The following TOM1L1 variants were observed in gnomAD, a reference collection of about 807,000 sequenced individuals.
TOM1L1 encodes the protein TOM1-like protein 1.
In TOM1L1, 64 loss-of-function variants were observed where a neutral mutation model predicts 63.4. The ratio of observed to expected loss-of-function variants is 1.01; its 90% CI spans 0.83 to 1.24. TOM1L1 has a LOEUF of 1.24. Among genes scored for constraint, TOM1L1 ranks in the 50% most tolerant of loss-of-function variants. The pLI, the probability that TOM1L1 is intolerant of heterozygous loss-of-function variation, is 0.00. For missense variants in TOM1L1, 536 were observed against 567.0 expected (o/e 0.95, Z 0.55); for synonymous variants, 166 against 194.4 (o/e 0.85, Z 1.22).
chr17:54,953,037 C>CAA (rs2049315184), intron 14 of TOM1L1: 1 of 152,202 alleles, frequency 6.6e-6, no homozygotes, highest in Non-Finnish European at 1.5e-5. Context: ...TGGATAGGGT[C>CAA]CACTTTTAGT....
rs138523968 is a variant in TOM1L1 at position 54,915,792 on chromosome 17, G to A, written c.650G>A (p.Arg217Gln). The stretch of plus-strand genomic sequence containing the variant: ...TTGGATATGGTGAAAATGAATGTGC[G>A]AGTGATGTCCGCCATATTGATGGAG... ...SELDMVKMNV[R>Q]VMSAILMENT... is the part of the protein sequence containing the mutation. Residue 217 changes from arginine to glutamine, a missense_variant, in exon 7 of 16, where the codon CGA becomes CAA. Arg to Gln is a conservative substitution (Grantham distance 43). Transcript: ENST00000575882. 4.8e-5 allele frequency: 78 copies of A among 1,612,926 alleles called. No homozygotes were observed. The highest frequency in any genetic ancestry group is 2.8e-4 in the African/African-American group (21 of 74,830).
intron 3 of TOM1L1, 149 bp downstream of exon 3, chr17:54,905,716 T>C (rs2048398211): frequency 1.8e-6 from 1 of 562,080 alleles, no homozygotes; most frequent in Non-Finnish European, 3.1e-6. Context: ...AAACTCTTCA[T>C]TTATGAGAAT....
intron 1 of TOM1L1, among the ~76,000 whole-genome samples, chr17:54,901,720 G>A (rs1416280497): frequency 6.6e-6 from 1 of 152,132 alleles, no homozygotes; most frequent in Non-Finnish European, 1.5e-5. Context: ...ACTTAGTGGG[G>A]TGATGAAATC....
intron 11 of TOM1L1, among the ~76,000 whole-genome samples, chr17:54,940,383 A>T (rs1416263043): frequency 6.6e-6 from 1 of 152,230 alleles, no homozygotes; most frequent in Non-Finnish European, 1.5e-5. Flanking sequence ...AAAGACAGTT[A>T]CTATGACAAA....
At chr17:54,949,437 C>T (rs2049175011) in intron 12 of TOM1L1, 81 bp from the exon 13 acceptor site, 2 of 1,010,480 alleles carry the variant, frequency 2.0e-6, no homozygotes, top group Non-Finnish European at 3.1e-6. Flanking sequence ...GAACAATGTA[C>T]TTGCAAGTGT....
In TOM1L1 at chr17:54,903,742, T is replaced by C. The variant is rs1235800973; in HGVS notation, c.93T>C (p.Asp31=). Residue 31 remains aspartate, a synonymous_variant, in exon 2 of 16, where the codon GAT becomes GAC. Coordinates refer to ENST00000575882, the MANE Select transcript of TOM1L1 (RefSeq NM_005486.3). The stretch of plus-strand genomic sequence containing the variant: ...CATTTGCTGGAGTTCAGACTGAAGA[T>C]TGGGGCCAGTTCATGCACATCTGTG... The part of the protein sequence containing the change: ...KATFAGVQTE[D]WGQFMHICDI... 1.2e-6 allele frequency: 2 copies of C among 1,614,200 alleles called. No homozygotes were observed. The highest frequency in any genetic ancestry group is 1.7e-6 in the Non-Finnish European group (2 of 1,180,036).
At chr17:54,910,232 G>T (rs546791389) in intron 3 of TOM1L1, among the ~76,000 whole-genome samples, 1 of 152,200 alleles carries the variant, frequency 6.6e-6, no homozygotes, top group Admixed American at 6.5e-5. Context: ...GGGGTGGATG[G>T]ATCACTTGAG....
At chr17:54,923,705 C>T (rs2048720334) in intron 7 of TOM1L1, among the ~76,000 whole-genome samples, 2 of 151,996 alleles carry the variant, frequency 1.3e-5, no homozygotes, top group African/African-American at 2.4e-5. Context: ...GCCACCATGC[C>T]TGGCTAATTT....
intron 14 of TOM1L1, chr17:54,952,612 G>A (rs935979643): frequency 2.0e-5 from 3 of 151,500 alleles, no homozygotes; most frequent in Non-Finnish European, 4.4e-5. Context: ...GCTTGGGCAT[G>A]GACCTTCCTA....
chr17:54,906,985 ATG>A (rs1452344751), intron 3 of TOM1L1, among the ~76,000 whole-genome samples: 1 of 152,246 alleles, frequency 6.6e-6, no homozygotes, highest in African/African-American at 2.4e-5. Context: ...TTTGGGGCAT[ATG>A]TGAGCATAGC....
chr17:54,913,641 G>C, intron 4 of TOM1L1, 107 bp from the exon 5 acceptor site: 2 of 1,239,294 alleles, frequency 1.6e-6, no homozygotes, highest in Non-Finnish European at 2.1e-6. Context: ...ACTCCAGCCC[G>C]GGCAATAGTG....
chr17:54,936,546 G>T, intron 8 of TOM1L1, 103 bp from the exon 9 acceptor site: 1 of 993,136 alleles, frequency 1.0e-6, no homozygotes, highest in Non-Finnish European at 1.5e-6. Context: ...GGATGAGGCT[G>T]ATTGTCTTCA....
intron 7 of TOM1L1, chr17:54,916,501 C>A (rs1047547563): frequency 2.0e-5 from 3 of 152,088 alleles, no homozygotes; most frequent in Admixed American, 1.3e-4. Context: ...TTATTTTTCC[C>A]TCTACCAGTT....
chr17:54,938,866 C>A, intron 10 of TOM1L1, 58 bp from the exon 11 acceptor site: 5 of 892,582 alleles, frequency 5.6e-6, no homozygotes, highest in Non-Finnish European at 5.0e-6. Context: ...TGTAGAAAAT[C>A]CAGCATAACT....
At chr17:54,940,134 G>A (rs1045251032) in intron 11 of TOM1L1, among the ~76,000 whole-genome samples, 1 of 152,254 alleles carries the variant, frequency 6.6e-6, no homozygotes, top group South Asian at 2.1e-4. Flanking sequence ...GGGCTCAAGC[G>A]ATCCATGTGC....
At chr17:54,932,127 G>A (rs2048872562) in intron 8 of TOM1L1, among the ~76,000 whole-genome samples, 1 of 152,026 alleles carries the variant, frequency 6.6e-6, no homozygotes, top group Non-Finnish European at 1.5e-5. Context: ...GTTAAAGAAG[G>A]AAGGGGTTTA....
chr17:54,917,983 C>G (rs1234003146), intron 7 of TOM1L1, among the ~76,000 whole-genome samples: 4 of 152,204 alleles, frequency 2.6e-5, no homozygotes, highest in African/African-American at 9.7e-5. Flanking sequence ...GCTATCTGGT[C>G]TCAAATGAGA....
chr17:54,908,619 T>C (rs532630329), intron 3 of TOM1L1, among the ~76,000 whole-genome samples: 7 of 152,312 alleles, frequency 4.6e-5, no homozygotes, highest in African/African-American at 2.4e-5. Context: ...TTAGCCTTGA[T>C]TGGGCTTTGA....
At chr17:54,927,597 G>A (rs2048789096) in intron 7 of TOM1L1, among the ~76,000 whole-genome samples, 1 of 152,168 alleles carries the variant, frequency 6.6e-6, no homozygotes, top group Non-Finnish European at 1.5e-5. Flanking sequence ...TGGTATAAAA[G>A]GAGGCAATTC....
Sources: gnomAD v4.1 joint callset for allele counts (sites outside exome capture counted in the v4.1 genomes callset) on GRCh38, gnomAD v4.1.1 for gene constraint, MANE v1.5 for transcripts, NCBI Gene and HGNC (gene_info 2026-07-23, HGNC 2026-07-21) for gene names.